The following TTN variants were observed in gnomAD, a reference collection of about 807,000 sequenced individuals.
TTN encodes connectin.
In TTN, 1,525 loss-of-function variants were observed where a neutral mutation model predicts 3,223.0. The ratio of observed to expected loss-of-function variants is 0.47; its 90% CI spans 0.45 to 0.49. TTN has a LOEUF of 0.49. Among genes scored for constraint, TTN ranks in the 20% least tolerant of loss-of-function variants. TTN has a pLI of 0.00. For synonymous variants in TTN, 14,094 were observed against 15,161.0 expected (o/e 0.93, Z 5.17); for missense variants, 40,786 against 43,424.0 (o/e 0.94, Z 5.40).
Position 178,702,479 on chromosome 2 carries a change from G to A in TTN, c.30408C>T (p.Ile10136=), listed in dbSNP as rs878862911. 1 of 1,613,794 alleles carries A rather than the reference G, an allele frequency of 6.2e-7. No individual in the cohort carries two copies. Among genetic ancestry groups the A allele is most frequent in the Non-Finnish European group, 8.5e-7 (1 of 1,179,892 alleles). Residue 10136 remains isoleucine (I), a synonymous_variant, in exon 107 of 363, where the codon ATC becomes ATT. Coordinates refer to ENST00000589042, the MANE Select transcript of TTN (RefSeq NM_001267550.2). ...RNDGRCHYMT[I]HNVTPDDEGV... Reference sequence around the variant, plus strand: ...CTTCATCGTCTGGGGTCACATTGTGGATGGTCATATAATGGCAGCGGCCAT... The same window carrying A: ...CTTCATCGTCTGGGGTCACATTGTGAATGGTCATATAATGGCAGCGGCCAT...
intron 20 of TTN, 37 bp from the exon 21 acceptor site, chr2:178,781,300 C>T: frequency 3.7e-6 from 6 of 1,611,042 alleles, no homozygotes; most frequent in Non-Finnish European, 5.1e-6. Context: ...AATCAGTTAT[C>T]AACAACTCTT....
chr2:178,732,240 A>G lies in TTN; in HGVS notation c.16729T>C (p.Trp5577Arg), dbSNP rs1194619992. The G allele has an allele frequency of 1.9e-6, 3 of 1,613,684 alleles. No homozygotes were observed. The highest frequency in any genetic ancestry group is 2.7e-5 in the African/African-American group (2 of 74,910). The change falls in exon 57 of 363, where the codon TGG (tryptophan) becomes CGG (arginine). Residue 5577 changes from tryptophan to arginine, a missense_variant. Transcript: ENST00000589042. ...TTAATTTCTCTATCATTTGCAAACC[A>G]TGTTATTTTAATTGGAGGGGTACCA... Reference protein sequence around the residue: ...VTGTPPIKITWFANDREIKES... With the variant: ...VTGTPPIKITRFANDREIKES...
At position 178,649,595 on chromosome 2, in the gene TTN, T is replaced by A; in HGVS notation, c.39932A>T (p.Lys13311Met). The A allele has an allele frequency of 1.3e-6, 2 of 1,550,212 alleles. No homozygotes were observed. Among genetic ancestry groups the A allele is most frequent in the South Asian group, 2.4e-5 (2 of 84,026 alleles). ...TTCTGGCTTCTTAACAGTTGGGACCTTCTTCACTGGAACAACTTTCTTTGG... is the reference window on the plus strand; with the variant it reads ...TTCTGGCTTCTTAACAGTTGGGACCATCTTCACTGGAACAACTTTCTTTGG... ...EMPKKVVPVK[K>M]VPTVKKPETP... Residue 13311 changes from lysine to methionine, a missense_variant, in exon 212 of 363, where the codon AAG becomes ATG. Coordinates refer to ENST00000589042, the MANE Select transcript of TTN (RefSeq NM_001267550.2).
intron 115 of TTN, 65 bp downstream of exon 115, chr2:178,695,283 C>G (rs1399690137): frequency 1.5e-6 from 2 of 1,309,646 alleles, no homozygotes; most frequent in Non-Finnish European, 2.2e-6. Context: ...TTATACATTG[C>G]TGCCAAACAA....
Position 178,661,821 on chromosome 2 carries a change from A to T in TTN, c.37223T>A (p.Val12408Asp). Residue 12408 changes from valine (V) to aspartate (D), a missense_variant, in exon 180 of 363, where the codon GTT (valine) becomes GAT (aspartate). Coordinates refer to ENST00000589042, the MANE Select transcript of TTN (RefSeq NM_001267550.2). ...PVTVPEAPKE[V>D]VLEKKVPSAP... ...CGAGGGCACTTTCTTTTCAAGGACA[A>T]CTTCTTTGGGAGCCTCTGGCACTTA... The T allele has an allele frequency of 6.2e-7, 1 of 1,607,788 alleles. No individual in the cohort carries two copies. Among genetic ancestry groups the T allele is most frequent in the Non-Finnish European group, 8.5e-7 (1 of 1,178,536 alleles).
At chr2:178,709,483 C>A in intron 99 of TTN, 83 bp downstream of exon 99, 1 of 1,407,586 alleles carries the variant, frequency 7.1e-7, no homozygotes, top group South Asian at 1.5e-5. Context: ...CTTACTTGGT[C>A]AAGATATCAT....
Position 178,589,426 on chromosome 2 carries a change from G to T in TTN, c.62299C>A (p.Gln20767Lys). The part of the protein sequence containing the change: ...TEEVVVKEDL[Q>K]KPVLDLKLSG... Reference sequence around the variant, plus strand: ...AATTTCAGATCAAGTACTGGTTTTTGTAAGTCTTCTTTCACAACAACTTCC... The same window carrying T: ...AATTTCAGATCAAGTACTGGTTTTTTTAAGTCTTCTTTCACAACAACTTCC... The change falls in exon 304 of 363, where the codon CAA becomes AAA. Residue 20767 changes from glutamine to lysine, a missense_variant. Coordinates refer to ENST00000589042, the MANE Select transcript of TTN (RefSeq NM_001267550.2). 1 of 1,613,366 alleles carries T rather than the reference G, an allele frequency of 6.2e-7. No individual in the cohort carries two copies. Among genetic ancestry groups the T allele is most frequent in the South Asian group, 1.1e-5 (1 of 91,076 alleles).
chr2:178,726,284 C>T (rs2079320956), intron 69 of TTN: 1 of 381,438 alleles, frequency 2.6e-6, no homozygotes, highest in African/African-American at 2.1e-5. Context: ...GTTCAACATT[C>T]TATCTACTAC....
At chr2:178,721,345 A>G in intron 78 of TTN, 143 bp from the exon 79 acceptor site, 1 of 713,254 alleles carries the variant, frequency 1.4e-6, no homozygotes, top group East Asian at 3.4e-5. Flanking sequence ...TTACAGTAAA[A>G]TAAGTTATCT....
intron 163 of TTN, 151 bp downstream of exon 163, chr2:178,666,673 A>G (rs949410821): frequency 1.2e-5 from 7 of 606,710 alleles, no homozygotes; most frequent in Non-Finnish European, 1.9e-5. Flanking sequence ...CTGGGACATG[A>G]ATACATTTGG....
chr2:178,614,273 G>T lies in TTN; in HGVS notation c.49124C>A (p.Pro16375Gln), dbSNP rs1256813746. 1.9e-6 allele frequency: 3 copies of T among 1,612,654 alleles called. No homozygotes were observed. Among genetic ancestry groups the T allele is most frequent in the Non-Finnish European group, 2.5e-6 (3 of 1,179,260 alleles). Residue 16375 changes from proline (P) to glutamine (Q), a missense_variant, in exon 262 of 363, where the codon CCA (proline) becomes CAA (glutamine). Coordinates refer to ENST00000589042, the MANE Select transcript of TTN (RefSeq NM_001267550.2). Reference protein sequence around the residue: ...NESCLLTWNPPRDDGGSKITN... With the variant: ...NESCLLTWNPQRDDGGSKITN... ...GATCTTAGATCCACCATCATCGCGT[G>T]GTGGGTTCCATGTTAGAAGACATGA...
At chr2:178,688,631 G>A in intron 126 of TTN, 46 bp downstream of exon 126, 1 of 1,298,826 alleles carries the variant, frequency 7.7e-7, no homozygotes, top group Non-Finnish European at 1.1e-6. Context: ...GAGACTTTGA[G>A]GAAACACACA....
At chr2:178,773,765 G>A (rs752917255) in intron 31 of TTN, 40 bp from the exon 32 acceptor site, 1 of 1,614,016 alleles carries the variant, frequency 6.2e-7, no homozygotes, top group Non-Finnish European at 8.5e-7. Flanking sequence ...GAATTTTGTT[G>A]AAATTGTCTG....
chr2:178,581,727 C>T lies in TTN; in HGVS notation c.66541G>A (p.Ala22181Thr). ...ATGATAGGGCTGCCGCCGTCATAGG[C>T]TGGCTTGCCCCAAGATAGACTCACA... Reference protein sequence around the residue: ...SSVSLSWGKPAYDGGSPIIGY... With the variant: ...SSVSLSWGKPTYDGGSPIIGY... The change falls in exon 316 of 363, where the codon GCC becomes ACC. Residue 22181 changes from alanine (A) to threonine (T), a missense_variant. Ala to Thr is a moderately conservative substitution (Grantham distance 58). Transcript: ENST00000589042. 6.2e-7 allele frequency: 1 copy of T among 1,609,856 alleles called. No homozygotes were observed. Among genetic ancestry groups the T allele is most frequent in the South Asian group, 1.1e-5 (1 of 90,600 alleles).
Position 178,636,126 on chromosome 2 carries a change from A to G in TTN, c.41445T>C (p.Asp13815=), listed in dbSNP as rs745623759. 1 of 1,613,180 alleles carries G rather than the reference A, an allele frequency of 6.2e-7. No individual in the cohort carries two copies. Among genetic ancestry groups the G allele is most frequent in the Non-Finnish European group, 8.5e-7 (1 of 1,179,510 alleles). The change falls in exon 226 of 363, where the codon GAT becomes GAC. Residue 13815 remains aspartate (D), a synonymous_variant. Coordinates refer to ENST00000589042, the MANE Select transcript of TTN (RefSeq NM_001267550.2). This position sits in a 1 kb window ranked among gnomAD's most constrained non-coding sequence, Gnocchi z 4.3. ...CAGGTTTCTCCACCACAATCTTGCCATCCTTCCTCCAGACCACGTCACGCT... is the reference window on the plus strand; with the variant it reads ...CAGGTTTCTCCACCACAATCTTGCCGTCCTTCCTCCAGACCACGTCACGCT... The part of the protein sequence containing the change: ...NKERDVVWRK[D]GKIVVEKPGR...
At position 178,769,709 on chromosome 2, in the gene TTN, C is replaced by A. The variant is rs745379216; in HGVS notation, c.8872G>T (p.Asp2958Tyr). The A allele has an allele frequency of 1.2e-6, 2 of 1,613,234 alleles. No individual in the cohort carries two copies. The highest frequency in any genetic ancestry group is 1.1e-5 in the South Asian group (1 of 91,006). Residue 2958 changes from aspartate to tyrosine, a missense_variant, in exon 37 of 363, where the codon GAC becomes TAC. Coordinates refer to ENST00000589042, the MANE Select transcript of TTN (RefSeq NM_001267550.2). ...ACTGTCAGGGTGGCACTGACTTGGTCATTGCCACAGACAAATGTGTATTCT... is the reference window on the plus strand; with the variant it reads ...ACTGTCAGGGTGGCACTGACTTGGTAATTGCCACAGACAAATGTGTATTCT... ...SAEYTFVCGNDQVSATLTVTP... is the reference protein window; with the variant it reads ...SAEYTFVCGNYQVSATLTVTP...
chr2:178,612,011 T>C, intron 267 of TTN, 46 bp downstream of exon 267: 1 of 1,603,078 alleles, frequency 6.2e-7, no homozygotes, highest in Non-Finnish European at 8.5e-7. Flanking sequence ...GTTAAGAATT[T>C]GCAGCCAAGT....
intron 355 of TTN, 36 bp from the exon 356 acceptor site, chr2:178,537,279 A>G (rs1314487990): frequency 1.3e-6 from 2 of 1,541,850 alleles, no homozygotes; most frequent in South Asian, 1.3e-5. Context: ...TGGTTTTCAT[A>G]GTGTGTTTTT....
chr2:178,647,995 C>T (rs2062293011), intron 213 of TTN, among the ~76,000 whole-genome samples: 1 of 152,114 alleles, frequency 6.6e-6, no homozygotes, highest in South Asian at 2.1e-4. Context: ...CACTAAGTCT[C>T]CATCTCTTTC....
Sources: gnomAD v4.1 joint callset for allele counts (sites outside exome capture counted in the v4.1 genomes callset) on GRCh38, gnomAD v4.1.1 for gene constraint, Gnocchi (gnomAD v3.1) non-coding constraint, MANE v1.5 for transcripts, NCBI Gene and HGNC (gene_info 2026-07-23, HGNC 2026-07-21) for gene names.